The following SFMBT1 variants were observed in gnomAD, a reference collection of about 807,000 sequenced individuals.
The protein encoded by SFMBT1 is Scm like with four mbt domains 1.
A neutral mutation model predicts 108.7 loss-of-function variants in SFMBT1; 32 were observed. That is an observed-to-expected ratio of 0.29 (90% confidence interval 0.22 to 0.40). SFMBT1 has a LOEUF of 0.40. SFMBT1 is among the 10% of genes least tolerant of loss of function. The pLI, the probability that SFMBT1 is intolerant of heterozygous loss-of-function variation, is 1.00. For missense variants in SFMBT1, 816 were observed against 1,059.6 expected (o/e 0.77, Z 3.19); for synonymous variants, 348 against 369.5 (o/e 0.94, Z 0.67).
chr3:52,973,900 T>A (rs1326950168), intron 1 of SFMBT1, among the ~76,000 whole-genome samples: 1 of 152,224 alleles, frequency 6.6e-6, no homozygotes, highest in Non-Finnish European at 1.5e-5. Context: ...ATATTACACA[T>A]ACAAGTCCAC....
At chr3:53,033,942 T>A (rs746491132) in intron 1 of SFMBT1, among the ~76,000 whole-genome samples, 2 of 151,712 alleles carry the variant, frequency 1.3e-5, no homozygotes, top group Non-Finnish European at 2.9e-5. Context: ...TGGTGGCGCA[T>A]GCCTGTAATC....
chr3:52,981,251 G>T (rs1247199218), intron 1 of SFMBT1, among the ~76,000 whole-genome samples: 1 of 152,122 alleles, frequency 6.6e-6, no homozygotes, highest in Non-Finnish European at 1.5e-5. Flanking sequence ...AAGTGGTTTG[G>T]CTTTAAAACT....
intron 2 of SFMBT1, among the ~76,000 whole-genome samples, chr3:52,958,598 ATAAAT>A (rs113309656): frequency 0.09 from 13,701 of 152,176 alleles, 626 homozygotes; most frequent in African/African-American, 0.098. Context: ...CTCAAAAAAA[ATAAAT>A]TAAATTAAAA....
At chr3:52,998,424 CAAT>C (rs1209785804) in intron 1 of SFMBT1, among the ~76,000 whole-genome samples, 1 of 150,178 alleles carries the variant, frequency 6.7e-6, no homozygotes, top group Admixed American at 6.7e-5. Flanking sequence ...AAATGTAGAT[CAAT>C]AATATTATTT....
At chr3:52,952,511 C>T (rs1379664555) in intron 3 of SFMBT1, among the ~76,000 whole-genome samples, 4 of 152,146 alleles carry the variant, frequency 2.6e-5, no homozygotes, top group Non-Finnish European at 5.9e-5. Flanking sequence ...TGGGGTGCTA[C>T]ACCAAAATAT....
chr3:53,004,429 T>C (rs1283517324), intron 1 of SFMBT1, among the ~76,000 whole-genome samples: 1 of 149,556 alleles, frequency 6.7e-6, no homozygotes. Flanking sequence ...TGTGCTACCA[T>C]GCCCAGTTAA....
chr3:52,979,929 G>A (rs574848535), intron 1 of SFMBT1, among the ~76,000 whole-genome samples: 8 of 152,222 alleles, frequency 5.3e-5, no homozygotes, highest in South Asian at 2.1e-4. Context: ...AACTACATGG[G>A]TCCACTTACA....
rs1702646455 is a variant in SFMBT1, at chr3:52,926,002, AGTGGCCATGAGGCCGT to A, written c.1131+13_1131+28del. ...ACAGCAGTCCCTGCAGCCCTGCCAT[AGTGGCCATGAGGCCGT>A]GGGGGTCCTCACCGGAGGGAAGCAC... On this transcript the variant is annotated intron_variant, in intron 10 of 20. Transcript: ENST00000394752. The A allele has an allele frequency of 6.3e-7, 1 of 1,589,020 alleles. No homozygotes were observed. The highest frequency in any genetic ancestry group is 1.8e-5 in the Admixed American group (1 of 55,108).
At chr3:52,943,261 T>G in intron 4 of SFMBT1, 92 bp downstream of exon 4, 2 of 1,507,182 alleles carry the variant, frequency 1.3e-6, no homozygotes, top group Non-Finnish European at 1.8e-6. Flanking sequence ...TAAACCTATA[T>G]GCTCGAGAGA....
At chr3:52,917,936 T>C (rs1702411252) in intron 13 of SFMBT1, among the ~76,000 whole-genome samples, 4 of 152,212 alleles carry the variant, frequency 2.6e-5, no homozygotes, top group Admixed American at 6.5e-5. Flanking sequence ...AGCAGATTAA[T>C]AGAGAATTCA....
chr3:52,970,505 A>G (rs1268369217), intron 1 of SFMBT1, among the ~76,000 whole-genome samples: 1 of 152,214 alleles, frequency 6.6e-6, no homozygotes, highest in Non-Finnish European at 1.5e-5. Flanking sequence ...ATATTAATCT[A>G]AGATATTATC....
chr3:52,914,583 A>G (rs979951454), intron 14 of SFMBT1, among the ~76,000 whole-genome samples: 1 of 128,338 alleles, frequency 7.8e-6, no homozygotes, highest in African/African-American at 2.8e-5. Context: ...AACAAAAACA[A>G]AAACAAAAAA....
intron 1 of SFMBT1, among the ~76,000 whole-genome samples, chr3:53,039,316 T>C (rs1046529375): frequency 6.6e-6 from 1 of 152,206 alleles, no homozygotes; most frequent in African/African-American, 2.4e-5. Context: ...TGCTACAACA[T>C]GGATGAACCT....
chr3:53,002,967 T>C (rs1698610717), intron 1 of SFMBT1, among the ~76,000 whole-genome samples: 1 of 148,720 alleles, frequency 6.7e-6, no homozygotes, highest in Non-Finnish European at 1.5e-5. Flanking sequence ...ACTCAAAATA[T>C]AAAAATTAGC....
intron 1 of SFMBT1, among the ~76,000 whole-genome samples, chr3:53,015,120 G>A (rs73079903): frequency 0.013 from 1,914 of 151,696 alleles, 21 homozygotes; most frequent in Non-Finnish European, 0.017. Flanking sequence ...TGAGTGGAAG[G>A]ATCATTTGAA....
rs753115859 is a variant in SFMBT1 at position 52,934,891 on chromosome 3, A to C, written c.375T>G (p.Asp125Glu). 8 of 1,612,848 alleles carry C rather than the reference A, an allele frequency of 5.0e-6. No individual in the cohort carries two copies. Among genetic ancestry groups the C allele is most frequent in the East Asian group, 2.2e-5 (1 of 44,870 alleles). ...KTLEAPEGIR[D>E]KVSDWDEFLR... The stretch of plus-strand genomic sequence containing the variant: ...GAAACTCATCCCAGTCAGATACTTT[A>C]TCTCTGATGCCTAGATGAGGGAATA... The change falls in exon 5 of 21, where the codon GAT becomes GAG. Residue 125 changes from aspartate to glutamate, a missense_variant. By Grantham distance (45) the Asp-to-Glu change is conservative. Coordinates refer to ENST00000394752, the MANE Select transcript of SFMBT1 (RefSeq NM_016329.4).
intron 3 of SFMBT1, among the ~76,000 whole-genome samples, chr3:52,944,895 G>A (rs1703306731): frequency 1.3e-5 from 2 of 151,796 alleles, no homozygotes; most frequent in Non-Finnish European, 2.9e-5. Context: ...TCGGCTCACT[G>A]CAACCTCAAG....
intron 10 of SFMBT1, among the ~76,000 whole-genome samples, chr3:52,925,145 C>T (rs553358127): frequency 2.0e-5 from 3 of 152,056 alleles, no homozygotes; most frequent in Admixed American, 6.5e-5. Context: ...CTCTTGAACC[C>T]GGGAGGCGGA....
chr3:52,939,860 G>A (rs1245536204), intron 4 of SFMBT1, among the ~76,000 whole-genome samples: 1 of 151,186 alleles, frequency 6.6e-6, no homozygotes, highest in East Asian at 1.9e-4. Context: ...TTTATTTCCA[G>A]TTCTTGCCTA....
Sources: allele counts gnomAD v4.1 joint callset (sites outside exome capture counted in the v4.1 genomes callset), GRCh38; gene constraint gnomAD v4.1.1; transcripts MANE v1.5; gene names NCBI Gene and HGNC (gene_info 2026-07-23, HGNC 2026-07-21).